DTNA: variants seen among roughly 807,000 people sequenced by gnomAD.
The protein encoded by DTNA is dystrobrevin alpha.
A neutral mutation model predicts 100.7 loss-of-function variants in DTNA; 43 were observed. The observed-to-expected ratio is 0.43, with a 90% CI of 0.33 to 0.55. The LOEUF (loss-of-function observed/expected upper bound fraction) is 0.55, where lower values mean the gene tolerates loss of function less well. Ranked by LOEUF, DTNA falls within the 20% of genes least tolerant of loss-of-function variation. The pLI, the probability that DTNA is intolerant of heterozygous loss-of-function variation, is 0.04. For missense variants in DTNA, 798 were observed against 953.9 expected (o/e 0.84, Z 2.15); for synonymous variants, 349 against 347.9 (o/e 1.00, Z -0.04).
intron 1 of DTNA, among the ~76,000 whole-genome samples, chr18:34,721,719 T>C (rs2146969399): frequency 6.6e-6 from 1 of 152,304 alleles, no homozygotes; most frequent in East Asian, 1.9e-4. Flanking sequence ...ACCCAAACAA[T>C]ATACAATTTT....
At chr18:34,741,258 AC>A (rs1318862551) in intron 1 of DTNA, among the ~76,000 whole-genome samples, 2 of 152,142 alleles carry the variant, frequency 1.3e-5, no homozygotes, top group African/African-American at 4.8e-5. Flanking sequence ...CTAGCTAGCT[AC>A]TTTTATGTTT....
rs550707247 is a variant in DTNA at position 34,565,851 on chromosome 18, A to G, written c.-2+72337A>G. Among the ~76,000 whole-genome samples, 3 of 152,310 alleles carry G rather than the reference A, an allele frequency of 2.0e-5. No homozygotes were observed. In the East Asian group the frequency reaches 5.8e-4, roughly 29 times the overall value. On this transcript the variant is annotated intron_variant, in intron 1 of 19. Coordinates refer to the DTNA transcript ENST00000283365. ...CTTATCTTTTGGAGACCAGCATTCAACCTGCTACAGCCACCTAGAGTAGGT... is the reference window on the plus strand; with the variant it reads ...CTTATCTTTTGGAGACCAGCATTCAGCCTGCTACAGCCACCTAGAGTAGGT...
At chr18:34,858,842 C>T (rs1190748799) in intron 16 of DTNA, among the ~76,000 whole-genome samples, 3 of 151,968 alleles carry the variant, frequency 2.0e-5, no homozygotes, top group Non-Finnish European at 4.4e-5. Context: ...AACTCCTGAC[C>T]TCAGGTGATC....
intron 3 of DTNA, among the ~76,000 whole-genome samples, chr18:34,770,694 A>G (rs1160637021): frequency 6.6e-6 from 1 of 152,186 alleles, no homozygotes; most frequent in Non-Finnish European, 1.5e-5. Flanking sequence ...TGGATTTTAT[A>G]GATGAATATT....
At chr18:34,832,000 C>A (rs2096022067) in intron 11 of DTNA, among the ~76,000 whole-genome samples, 1 of 152,190 alleles carries the variant, frequency 6.6e-6, no homozygotes, top group Non-Finnish European at 1.5e-5. Context: ...CCCAAAGATT[C>A]TTTACTTAAC....
chr18:34,652,446 C>G (rs538816088), intron 1 of DTNA, among the ~76,000 whole-genome samples: 1 of 152,228 alleles, frequency 6.6e-6, no homozygotes, highest in East Asian at 1.9e-4. Context: ...CCTACATGCC[C>G]AGGTGTTTGC....
chr18:34,642,835 G>A (rs890149053), intron 1 of DTNA, among the ~76,000 whole-genome samples: 1 of 152,074 alleles, frequency 6.6e-6, no homozygotes, highest in Non-Finnish European at 1.5e-5. Context: ...GGGATTACAG[G>A]CGTGAGCCAC....
chr18:34,865,073 A>G (rs1249543571), intron 17 of DTNA, among the ~76,000 whole-genome samples: 1 of 152,218 alleles, frequency 6.6e-6, no homozygotes, highest in Non-Finnish European at 1.5e-5. Flanking sequence ...AAGAAGCAGT[A>G]TGGATTGGAA....
chr18:34,743,463 A>C (rs1003602931), intron 1 of DTNA, among the ~76,000 whole-genome samples: 2 of 152,104 alleles, frequency 1.3e-5, no homozygotes, highest in African/African-American at 2.4e-5. Flanking sequence ...TAGGATATCC[A>C]CCACAGAAAG....
intron 1 of DTNA, among the ~76,000 whole-genome samples, chr18:34,730,957 T>G (rs183476861): frequency 7.9e-5 from 12 of 152,298 alleles, no homozygotes; most frequent in Admixed American, 6.5e-4. Context: ...TTTTTCACCC[T>G]TCACATATGC....
intron 1 of DTNA, among the ~76,000 whole-genome samples, chr18:34,680,693 A>G (rs16965759): frequency 0.024 from 3,712 of 152,300 alleles, 176 homozygotes; most frequent in African/African-American, 0.085. Flanking sequence ...CTATTTATTT[A>G]CAAGATGTGT....
At chr18:34,796,769 G>C (rs555842209) in intron 4 of DTNA, among the ~76,000 whole-genome samples, 8 of 152,162 alleles carry the variant, frequency 5.3e-5, no homozygotes, top group African/African-American at 1.2e-4. Flanking sequence ...GCCATTTTGT[G>C]GGGGAGGGGA....
At chr18:34,603,232 G>GA (rs144399685) in intron 1 of DTNA, among the ~76,000 whole-genome samples, 13 of 145,058 alleles carry the variant, frequency 9.0e-5, no homozygotes, top group East Asian at 2.0e-4. Flanking sequence ...GAAAGGAAAG[G>GA]AAAAAAAAAT....
intron 1 of DTNA, among the ~76,000 whole-genome samples, chr18:34,678,617 G>A (rs1311632291): frequency 6.6e-6 from 1 of 152,136 alleles, no homozygotes; most frequent in Non-Finnish European, 1.5e-5. Flanking sequence ...CAGCCTGTGT[G>A]TTCACAGGGA....
In DTNA at chr18:34,750,715, A is replaced by G. The variant is rs116967192; in HGVS notation, c.-1-5261A>G. Among the ~76,000 whole-genome samples, 460 of 152,312 alleles carry G rather than the reference A, an allele frequency of 3.0e-3. 4 individuals are homozygous for G. The highest frequency in any genetic ancestry group is 5.7e-3 in the Admixed American group (87 of 15,286). On this transcript the variant is annotated intron_variant, in intron 1 of 22. Transcript: ENST00000444659. ...GACTTCCTAACAAAGTTACAGGGAA[A>G]AGCATTTTATAATCTTTAAGAAGTT...
intron 1 of DTNA, among the ~76,000 whole-genome samples, chr18:34,554,646 T>C (rs1191493315): frequency 2.0e-5 from 3 of 150,988 alleles, no homozygotes; most frequent in African/African-American, 7.4e-5. Context: ...GTGGTTTTTG[T>C]CTTTGGCTCT....
intron 1 of DTNA, among the ~76,000 whole-genome samples, chr18:34,581,460 C>T (rs1416736628): frequency 6.6e-6 from 1 of 152,010 alleles, no homozygotes; most frequent in Non-Finnish European, 1.5e-5. Context: ...GTGTCTTCAG[C>T]TCTCTGATGT....
chr18:34,598,935 A>G (rs2051213679), intron 1 of DTNA, among the ~76,000 whole-genome samples: 1 of 152,262 alleles, frequency 6.6e-6, no homozygotes, highest in African/African-American at 2.4e-5. Flanking sequence ...CTAAGCAAAG[A>G]AAAACTGTAT....
At chr18:34,671,789 C>T (rs2076791989) in intron 1 of DTNA, among the ~76,000 whole-genome samples, 1 of 152,050 alleles carries the variant, frequency 6.6e-6, no homozygotes, top group African/African-American at 2.4e-5. Context: ...TTGAACTTTA[C>T]ATCATAGTAT....
Sources: allele counts gnomAD v4.1 joint callset (sites outside exome capture counted in the v4.1 genomes callset), GRCh38; gene constraint gnomAD v4.1.1; transcripts MANE v1.5; gene names NCBI Gene and HGNC (gene_info 2026-07-23, HGNC 2026-07-21).